The following CHN2 variants were observed in gnomAD, a reference collection of about 807,000 sequenced individuals.
The protein encoded by CHN2 is chimerin 2.
Under a neutral mutation model 56.3 loss-of-function variants are expected in CHN2, and 35 were observed. That is an observed-to-expected ratio of 0.62 (90% CI 0.47 to 0.82). The LOEUF is 0.82. CHN2 is among the 40% of genes least tolerant of loss of function. The pLI, the probability that CHN2 is intolerant of heterozygous loss-of-function variation, is 0.00. For synonymous variants in CHN2, 210 were observed against 212.8 expected (o/e 0.99, Z 0.12); for missense variants, 491 against 580.5 (o/e 0.85, Z 1.58).
chr7:29,177,743 C>T (rs888386675), intron 2 of CHN2, among the ~76,000 whole-genome samples: 1 of 152,082 alleles, frequency 6.6e-6, no homozygotes, highest in African/African-American at 2.4e-5. Context: ...TACCCCAACC[C>T]TCTTTACTTC....
At chr7:29,508,381 G>A (rs538887798) in intron 11 of CHN2, among the ~76,000 whole-genome samples, 22 of 150,390 alleles carry the variant, frequency 1.5e-4, no homozygotes, top group Middle Eastern at 6.8e-3. Flanking sequence ...TCACTTTGAG[G>A]AAGTTTTTGC....
chr7:29,407,665 G>A (rs1243738023), intron 6 of CHN2, among the ~76,000 whole-genome samples: 7 of 152,160 alleles, frequency 4.6e-5, no homozygotes, highest in Admixed American at 2.0e-4. Context: ...CTGACCAGCC[G>A]ACTTGCTGCC....
intron 1 of CHN2, among the ~76,000 whole-genome samples, chr7:29,306,220 TG>T (rs1219461093): frequency 6.6e-6 from 1 of 152,162 alleles, no homozygotes; most frequent in Non-Finnish European, 1.5e-5. Context: ...CCTAAACTGG[TG>T]GTGTCTTAAG....
At chr7:29,155,097 A>G (rs1200224120) in intron 2 of CHN2, among the ~76,000 whole-genome samples, 2 of 152,120 alleles carry the variant, frequency 1.3e-5, no homozygotes, top group Non-Finnish European at 2.9e-5. Flanking sequence ...ACCTGCCCCC[A>G]TGATTCAATT....
intron 1 of CHN2, among the ~76,000 whole-genome samples, chr7:29,347,129 T>G (rs993577702): frequency 5.3e-5 from 8 of 152,172 alleles, no homozygotes; most frequent in African/African-American, 1.9e-4. Context: ...TAAGAGCATA[T>G]TGATAACAGC....
intron 1 of CHN2, among the ~76,000 whole-genome samples, chr7:29,270,376 G>A (rs1485636158): frequency 2.6e-5 from 4 of 151,502 alleles, no homozygotes; most frequent in Admixed American, 6.6e-5. Context: ...GATCTAGGTC[G>A]AACGCAGTGG....
Position 29,224,014 on chromosome 7 carries a change from C to T in CHN2, c.49+29024C>T, listed in dbSNP as rs183391928. ...AGTAAAATTCAAATCTTTTCTATTT[C>T]AAGAACAGGAAGACTTTCATCAAGG... On this transcript the variant is annotated intron_variant, in intron 1 of 12. Coordinates refer to ENST00000222792, the MANE Select transcript of CHN2 (RefSeq NM_004067.4). Among the ~76,000 whole-genome samples the T allele has an allele frequency of 2.6e-5, 4 of 152,224 alleles. No homozygotes were observed. The East Asian group carries it at 7.7e-4, about 29-fold the overall frequency.
At chr7:29,293,475 C>T (rs1792844809) in intron 1 of CHN2, among the ~76,000 whole-genome samples, 1 of 150,794 alleles carries the variant, frequency 6.6e-6, no homozygotes, top group African/African-American at 2.4e-5. Flanking sequence ...AGGTGCTCCT[C>T]TGGCTTCCAC....
intron 1 of CHN2, among the ~76,000 whole-genome samples, chr7:29,263,710 C>T (rs910134169): frequency 6.6e-6 from 1 of 151,738 alleles, no homozygotes; most frequent in African/African-American, 2.4e-5. Context: ...AGTGTCTCTG[C>T]CCGGCCGCCC....
At chr7:29,396,451 ACT>A (rs1801749599) in intron 4 of CHN2, among the ~76,000 whole-genome samples, 1 of 100,296 alleles carries the variant, frequency 1.0e-5, no homozygotes, top group Non-Finnish European at 1.9e-5. Context: ...ACAGAGTGAG[ACT>A]CTCTCCAAAA....
At chr7:29,424,187 G>A (rs1354301002) in intron 6 of CHN2, among the ~76,000 whole-genome samples, 5 of 152,182 alleles carry the variant, frequency 3.3e-5, no homozygotes, top group Admixed American at 2.0e-4. Context: ...AATAGAGGCC[G>A]TCAGACATGT....
intron 2 of CHN2, among the ~76,000 whole-genome samples, chr7:29,175,668 A>G (rs1172762508): frequency 2.0e-5 from 3 of 152,140 alleles, no homozygotes. Flanking sequence ...GCAGCATGAG[A>G]ACAGACTAAC....
At chr7:29,473,731 G>A (rs751685196) in intron 6 of CHN2, among the ~76,000 whole-genome samples, 6 of 151,986 alleles carry the variant, frequency 3.9e-5, no homozygotes, top group Non-Finnish European at 7.4e-5. Flanking sequence ...TAAGGCAGGA[G>A]AAGCTGGAGT....
chr7:29,395,566 A>C (rs553716246), intron 4 of CHN2, among the ~76,000 whole-genome samples: 7 of 152,292 alleles, frequency 4.6e-5, no homozygotes, highest in Admixed American at 4.6e-4. Context: ...AATAAAGGAA[A>C]ATAGAAGAGG....
chr7:29,416,046 C>T (rs908316660), intron 6 of CHN2, among the ~76,000 whole-genome samples: 27 of 152,196 alleles, frequency 1.8e-4, no homozygotes, highest in Non-Finnish European at 2.8e-4. Flanking sequence ...TGGATAAATG[C>T]GGCCCCACAG....
intron 1 of CHN2, chr7:29,212,249 C>CT: frequency 2.3e-6 from 2 of 864,168 alleles, no homozygotes; most frequent in Non-Finnish European, 1.9e-6. Flanking sequence ...CTGCCTTAAC[C>CT]TTTTTTCCAG....
chr7:29,171,734 T>C (rs1796634597), intron 2 of CHN2, among the ~76,000 whole-genome samples: 1 of 152,202 alleles, frequency 6.6e-6, no homozygotes, highest in South Asian at 2.1e-4. Context: ...CCAGTGTGTC[T>C]CCAGAGAATG....
At chr7:29,500,445 G>A (rs1333263313) in intron 9 of CHN2, among the ~76,000 whole-genome samples, 1 of 152,122 alleles carries the variant, frequency 6.6e-6, no homozygotes, top group East Asian at 1.9e-4. Flanking sequence ...GGGCAACATA[G>A]TGAGACCCCA....
At chr7:29,148,342 T>C (rs1793067515) in intron 2 of CHN2, among the ~76,000 whole-genome samples, 1 of 152,234 alleles carries the variant, frequency 6.6e-6, no homozygotes, top group African/African-American at 2.4e-5. Context: ...TGTAAGCATA[T>C]TTATTCAAAA....
Sources: gnomAD v4.1 joint callset for allele counts (sites outside exome capture counted in the v4.1 genomes callset) on GRCh38, gnomAD v4.1.1 for gene constraint, MANE v1.5 for transcripts, NCBI Gene and HGNC (gene_info 2026-07-23, HGNC 2026-07-21) for gene names.